GARNL3: variants seen among roughly 807,000 people sequenced by gnomAD.
GARNL3 encodes the protein GTPase-activating Rap/Ran-GAP domain-like protein 3.
A neutral mutation model predicts 125.0 loss-of-function variants in GARNL3; 63 were observed. That is an observed-to-expected ratio of 0.50 (90% CI 0.41 to 0.62). The LOEUF (loss-of-function observed/expected upper bound fraction) is 0.62, where lower values mean the gene tolerates loss of function less well. Ranked by LOEUF, GARNL3 falls within the 20% of genes least tolerant of loss-of-function variation. The pLI is 0.00. For synonymous variants in GARNL3, 439 were observed against 457.5 expected (o/e 0.96, Z 0.52); for missense variants, 994 against 1,244.0 (o/e 0.80, Z 3.02).
chr9:127,303,665 C>T (rs2064865500), intron 2 of GARNL3, among the ~76,000 whole-genome samples: 1 of 152,116 alleles, frequency 6.6e-6, no homozygotes, highest in African/African-American at 2.4e-5. Flanking sequence ...GGAATAGACT[C>T]TATGAAAAAT....
chr9:127,291,416 C>A (rs576808672), intron 2 of GARNL3, among the ~76,000 whole-genome samples, 174 bp downstream of exon 2: 134 of 152,298 alleles, frequency 8.8e-4, no homozygotes, highest in African/African-American at 3.1e-3. Flanking sequence ...CATAGGGTGA[C>A]ACATACCCTT....
chr9:127,261,711 C>A (rs1016337767), upstream of GARNL3, among the ~76,000 whole-genome samples: 22 of 152,198 alleles, frequency 1.4e-4, no homozygotes, highest in Admixed American at 4.6e-4. Context: ...CCGCGCCCGG[C>A]CTTCATGGGA....
intron 1 of GARNL3, among the ~76,000 whole-genome samples, chr9:127,235,873 T>C (rs2063104062): frequency 6.6e-6 from 1 of 152,192 alleles, no homozygotes; most frequent in African/African-American, 2.4e-5. Flanking sequence ...AGTCAACTCT[T>C]TGCACAGGTG....
At chr9:127,285,700 G>T (rs1171819804) in intron 1 of GARNL3, among the ~76,000 whole-genome samples, 1 of 152,018 alleles carries the variant, frequency 6.6e-6, no homozygotes, top group East Asian at 1.9e-4. Context: ...TTACATAAAT[G>T]TTTATAGTTA....
At chr9:127,311,344 C>G (rs767953441) in intron 2 of GARNL3, among the ~76,000 whole-genome samples, 1 of 152,048 alleles carries the variant, frequency 6.6e-6, no homozygotes, top group Non-Finnish European at 1.5e-5. Context: ...GCACCAACTC[C>G]CAAATACTGT....
chr9:127,300,101 C>A (rs558934555), intron 2 of GARNL3: 105 of 318,120 alleles, frequency 3.3e-4, no homozygotes, highest in Non-Finnish European at 5.3e-4. Flanking sequence ...CACTTCTTTA[C>A]TTCTCCAAGA....
At chr9:127,283,799 T>TTTGTTG (rs565876774) in intron 1 of GARNL3, among the ~76,000 whole-genome samples, 3 of 152,238 alleles carry the variant, frequency 2.0e-5, no homozygotes, top group African/African-American at 4.8e-5. Context: ...CTTAAGTCGT[T>TTTGTTG]TTGTTGTTGT....
chr9:127,355,676 T>C (rs1424663950), intron 20 of GARNL3, among the ~76,000 whole-genome samples: 1 of 152,184 alleles, frequency 6.6e-6, no homozygotes, highest in Non-Finnish European at 1.5e-5. Context: ...CGGGTGCTGT[T>C]CTAGGTACGA....
intron 1 of GARNL3, among the ~76,000 whole-genome samples, chr9:127,224,960 T>G (rs1588643062): frequency 2.5e-5 from 1 of 39,574 alleles, no homozygotes; most frequent in Admixed American, 3.0e-4. Flanking sequence ...TGCTCCGGGC[T>G]GAGGGCGCGG....
intron 2 of GARNL3, among the ~76,000 whole-genome samples, chr9:127,293,225 A>G (rs2064479585): frequency 6.6e-6 from 1 of 152,260 alleles, no homozygotes; most frequent in Admixed American, 6.5e-5. Context: ...CAGTTAGTGC[A>G]GTAAAGGACT....
At chr9:127,240,518 C>CT (rs1349266293) in intron 1 of GARNL3, among the ~76,000 whole-genome samples, 3 of 152,202 alleles carry the variant, frequency 2.0e-5, no homozygotes, top group Non-Finnish European at 4.4e-5. Flanking sequence ...GGGGACAACT[C>CT]TGAGATGTCA....
At position 127,280,524 on chromosome 9, in the gene GARNL3, A is replaced by G. The variant is rs1272392799; in HGVS notation, c.145-10644A>G. 3.9e-5 allele frequency among the ~76,000 whole-genome samples: 6 copies of G among 152,216 alleles called. No homozygotes were observed. Among genetic ancestry groups the G allele is most frequent in the Admixed American group, 6.5e-5 (1 of 15,276 alleles). On this transcript the variant is annotated intron_variant, in intron 1 of 27. Coordinates refer to ENST00000373387, the MANE Select transcript of GARNL3 (RefSeq NM_032293.5). The surrounding 1 kb of genome is among the most constrained non-coding windows in gnomAD (Gnocchi z 4.5). Reference sequence around the variant, plus strand: ...TGCCTTCCAACCTTCCATAATTACCACAGATTTGTTCTGTTCCAAGCAACA... The same window carrying G: ...TGCCTTCCAACCTTCCATAATTACCGCAGATTTGTTCTGTTCCAAGCAACA...
At chr9:127,356,709 C>T (rs1459054766) in intron 20 of GARNL3, among the ~76,000 whole-genome samples, 1 of 152,124 alleles carries the variant, frequency 6.6e-6, no homozygotes, top group Non-Finnish European at 1.5e-5. Flanking sequence ...AATATGAGCA[C>T]TGAAATTAAA....
At chr9:127,354,145 T>C in intron 18 of GARNL3, 149 bp from the exon 19 acceptor site, 3 of 686,266 alleles carry the variant, frequency 4.4e-6, no homozygotes, top group Non-Finnish European at 5.1e-6. Flanking sequence ...CATACGTAAT[T>C]GCATTGTCAG....
chr9:127,224,917 TG>T (rs1325286084), intron 1 of GARNL3, among the ~76,000 whole-genome samples: 1 of 4,450 alleles, frequency 2.2e-4, no homozygotes, highest in African/African-American at 7.1e-4. Context: ...GGGCGGGGCG[TG>T]GGCGGGGCGT....
chr9:127,288,567 G>A (rs555933870), intron 1 of GARNL3, among the ~76,000 whole-genome samples: 1 of 152,138 alleles, frequency 6.6e-6, no homozygotes, highest in African/African-American at 2.4e-5. Flanking sequence ...AATGGTAACG[G>A]TGATAGTCAA....
At position 127,393,427 on chromosome 9, in the gene GARNL3, C is replaced by A; in HGVS notation, c.*173C>A. The A allele has an allele frequency of 2.1e-6, 1 of 483,464 alleles. No homozygotes were observed. Among genetic ancestry groups the A allele is most frequent in the Non-Finnish European group, 3.7e-6 (1 of 271,140 alleles). 29.9% of individuals were successfully genotyped at this position (483,464 alleles called of 1,614,324 possible). ...TCTCCAATGTCCGGTGCCATCTTTC[C>A]TGACCTTTGTTTCTTTCTGTTCAGG... On this transcript the variant is annotated 3_prime_UTR_variant, in exon 28 of 28. Coordinates refer to ENST00000373387, the MANE Select transcript of GARNL3 (RefSeq NM_032293.5).
At chr9:127,304,699 C>A (rs1210729177) in intron 2 of GARNL3, among the ~76,000 whole-genome samples, 1 of 151,976 alleles carries the variant, frequency 6.6e-6, no homozygotes, top group Non-Finnish European at 1.5e-5. Context: ...CCACACCTGG[C>A]TAATTTTTTG....
chr9:127,368,272 A>AG (rs1468088650), intron 22 of GARNL3, among the ~76,000 whole-genome samples: 2 of 151,260 alleles, frequency 1.3e-5, no homozygotes, highest in African/African-American at 4.9e-5. Flanking sequence ...AGAGGACAGC[A>AG]GTGGGACCAG....
Sources: gnomAD v4.1 joint callset for allele counts (sites outside exome capture counted in the v4.1 genomes callset) on GRCh38, gnomAD v4.1.1 for gene constraint, Gnocchi (gnomAD v3.1) non-coding constraint, MANE v1.5 for transcripts, NCBI Gene and HGNC (gene_info 2026-07-23, HGNC 2026-07-21) for gene names.